The following TRPM2 variants were observed in gnomAD, a reference collection of about 807,000 sequenced individuals.
The protein encoded by TRPM2 is transient receptor potential cation channel subfamily M member 2, also known as estrogen-responsive element-associated gene 1 protein.
TRPM2 carries 161 observed loss-of-function variants against 174.0 expected under a neutral mutation model. That is an observed-to-expected ratio of 0.93 (90% confidence interval 0.81 to 1.05). The LOEUF is 1.05. Ranked by LOEUF, TRPM2 falls within the 50% of genes least tolerant of loss-of-function variation. TRPM2 has a pLI of 0.00. For missense variants in TRPM2, 2,057 were observed against 2,038.0 expected, an observed-to-expected ratio of 1.01 and a Z score of -0.18; for synonymous variants, 954 against 861.3, an observed-to-expected ratio of 1.11 and a Z score of -1.88.
chr21:44,435,346 C>G, intron 28 of TRPM2, 129 bp downstream of exon 28: 1 of 944,000 alleles, frequency 1.1e-6, no homozygotes, highest in Non-Finnish European at 1.6e-6. Flanking sequence ...TTGGTGCCTA[C>G]TGGGGGGATG....
At chr21:44,429,281 T>C (rs2050944622) in intron 27 of TRPM2, among the ~76,000 whole-genome samples, 1 of 110,912 alleles carries the variant, frequency 9.0e-6, no homozygotes, top group Non-Finnish European at 1.7e-5. Context: ...TCTTTTTCTT[T>C]TTTTTTTTTT....
chr21:44,405,485 T>C (rs1486308077), intron 17 of TRPM2, among the ~76,000 whole-genome samples: 15 of 152,158 alleles, frequency 9.9e-5, no homozygotes, highest in Admixed American at 9.8e-4. Flanking sequence ...GAGCTGAGAT[T>C]GTCCATGTGC....
intron 9 of TRPM2, among the ~76,000 whole-genome samples, chr21:44,386,746 C>T (rs1238651729): frequency 6.6e-6 from 1 of 151,474 alleles, no homozygotes; most frequent in Non-Finnish European, 1.5e-5. Context: ...ATAGAAAAGC[C>T]CATCCTAAAA....
intron 7 of TRPM2, 106 bp downstream of exon 7, chr21:44,377,879 C>T (rs542122952): frequency 2.2e-5 from 28 of 1,275,950 alleles, no homozygotes; most frequent in Middle Eastern, 1.9e-4. Context: ...GGCAAGAGGG[C>T]GATGAGCTTT....
intron 9 of TRPM2, among the ~76,000 whole-genome samples, chr21:44,383,392 C>A (rs1456842529): frequency 6.6e-6 from 1 of 152,218 alleles, no homozygotes; most frequent in East Asian, 1.9e-4. Context: ...GTGCTCCTCC[C>A]GCCCGATGCT....
rs575689440 is a variant in TRPM2 at position 44,369,484 on chromosome 21, G to A, written c.771+141G>A. The A allele has an allele frequency of 2.3e-4, 219 of 935,426 alleles. 3 individuals are homozygous for A. In the South Asian group the frequency reaches 3.7e-3, roughly 16 times the overall value. 57.9% of individuals were successfully genotyped at this position (935,426 alleles called of 1,614,324 possible). A position where few individuals can be genotyped will look rare whatever the true frequency, so the allele number is the denominator to read the frequency against. On this transcript the variant is annotated intron_variant, in intron 5 of 31. Coordinates refer to ENST00000397928, the MANE Select transcript of TRPM2 (RefSeq NM_003307.4). ...CCGGGCGCTGTGGGGAGCAGGCGGAGTGTGCGGGGGCCGGGGTGTGGGTGA... is the reference window on the plus strand; with the variant it reads ...CCGGGCGCTGTGGGGAGCAGGCGGAATGTGCGGGGGCCGGGGTGTGGGTGA...
At chr21:44,352,542 C>T (rs2146102153), upstream of TRPM2, among the ~76,000 whole-genome samples, 1 of 152,312 alleles carries the variant, frequency 6.6e-6, no homozygotes, top group African/African-American at 2.4e-5. Flanking sequence ...GATCTGGTTT[C>T]AGGGCAGGGA....
intron 2 of TRPM2, among the ~76,000 whole-genome samples, chr21:44,363,804 C>T (rs2048281416): frequency 6.6e-6 from 1 of 152,152 alleles, no homozygotes; most frequent in Non-Finnish European, 1.5e-5. Flanking sequence ...AGCTGGTCCT[C>T]TTGACATGTC....
At position 44,354,603 on chromosome 21, in the gene TRPM2, T is replaced by C; in HGVS notation, c.166-45T>C. 1 of 1,561,832 alleles carries C rather than the reference T, an allele frequency of 6.4e-7. No homozygotes were observed. Among genetic ancestry groups the C allele is most frequent in the Non-Finnish European group, 8.8e-7 (1 of 1,132,398 alleles). Reference sequence around the variant, plus strand: ...TGTGTCTCCAGGGGGCTGGGTGTGCTCTTTCGAATGTTGGAAGATCTCAGT... The same window carrying C: ...TGTGTCTCCAGGGGGCTGGGTGTGCCCTTTCGAATGTTGGAAGATCTCAGT... On this transcript the variant is annotated intron_variant, in intron 1 of 31. Coordinates refer to ENST00000397928, the MANE Select transcript of TRPM2 (RefSeq NM_003307.4). This position sits in a 1 kb window ranked among gnomAD's most constrained non-coding sequence, Gnocchi z 4.3.
At chr21:44,355,324 G>A (rs45458991) in intron 2 of TRPM2, among the ~76,000 whole-genome samples, 2,182 of 152,260 alleles carry the variant, frequency 0.014, 52 homozygotes, top group African/African-American at 0.05. Context: ...GGTGCTCCCC[G>A]CAGTTGGCGC....
Position 44,399,166 on chromosome 21 carries a change from G to A in TRPM2, c.2063-130G>A. On this transcript the variant is annotated intron_variant, in intron 13 of 31. Transcript: ENST00000397928. The surrounding 1 kb of genome is among the most constrained non-coding windows in gnomAD (Gnocchi z 4.6). ...TGGGCCTGGGTGTTTTGAGACACCA[G>A]CCCCACATTTGCCCTGTGCCCTTCC... The A allele has an allele frequency of 8.0e-7, 1 of 1,248,028 alleles. No homozygotes were observed. Among genetic ancestry groups the A allele is most frequent in the East Asian group, 2.6e-5 (1 of 38,834 alleles). The allele number at this position is 1,248,028 out of a possible 1,614,324, so 77.3% of individuals were successfully genotyped here. A position where few individuals can be genotyped will look rare whatever the true frequency, so the allele number is the denominator to read the frequency against.
In TRPM2 at chr21:44,438,563, A is replaced by G. The variant is rs1255718645; in HGVS notation, c.4168-504A>G. Among the ~76,000 whole-genome samples, 1 of 151,790 alleles carries G rather than the reference A, an allele frequency of 6.6e-6. No homozygotes were observed. The highest frequency in any genetic ancestry group is 1.5e-5 in the Non-Finnish European group (1 of 67,932). On this transcript the variant is annotated intron_variant, in intron 29 of 31. Coordinates refer to ENST00000397928, the MANE Select transcript of TRPM2 (RefSeq NM_003307.4). The surrounding 1 kb of genome is among the most constrained non-coding windows in gnomAD (Gnocchi z 5.9). ...TAGGGTGGGAAAGATGGGTGTGGGG[A>G]GGAGGAGGTGCAGGCCGGAGCTGGG...
chr21:44,440,389 G>A (rs2051455810), intron 30 of TRPM2, among the ~76,000 whole-genome samples: 1 of 150,840 alleles, frequency 6.6e-6, no homozygotes, highest in East Asian at 1.9e-4. Flanking sequence ...CCTCTATCCG[G>A]TTCCAGAACG....
Position 44,425,677 on chromosome 21 carries a change from G to A in TRPM2, c.3645G>A (p.Gln1215=). 2 of 1,522,228 alleles carry A rather than the reference G, an allele frequency of 1.3e-6. No individual in the cohort carries two copies. Among genetic ancestry groups the A allele is most frequent in the Non-Finnish European group, 8.9e-7 (1 of 1,126,748 alleles). The allele number at this position is 1,522,228 out of a possible 1,614,324, so 94.3% of individuals were successfully genotyped here. ...CTTCCTGACTGTCCCCAGCCTCCCA[G>A]AAGGCCGCGGAGGAGCCGGATGCTG... ...SEADVPTLAS[Q]KAAEEPDAEP... The change falls in exon 25 of 32, where the codon CAG becomes CAA. Residue 1215 remains glutamine (Q), a synonymous_variant. Coordinates refer to ENST00000397928, the MANE Select transcript of TRPM2 (RefSeq NM_003307.4).
rs201338081 is a variant in TRPM2, at chr21:44,397,895, G to C, written c.2062+19G>C. On this transcript the variant is annotated intron_variant, in intron 13 of 31. Transcript: ENST00000397928. Reference sequence around the variant, plus strand: ...GCCATCGGTGAGCTCTGCCGGGCACGGGCTGCAGGCCATGGCTCAGCCGTG... The same window carrying C: ...GCCATCGGTGAGCTCTGCCGGGCACCGGCTGCAGGCCATGGCTCAGCCGTG... 1.9e-6 allele frequency: 3 copies of C among 1,576,186 alleles called. No homozygotes were observed. The highest frequency in any genetic ancestry group is 2.6e-6 in the Non-Finnish European group (3 of 1,160,568).
rs1373961452 is a variant in TRPM2 at position 44,422,211 on chromosome 21, G to T, written c.3462-1434G>T. ...GCACCTGGGAGGCGCATGAGTGTGG[G>T]GTGCCATAACCTTGCAGCACTGAGG... On this transcript the variant is annotated intron_variant, in intron 22 of 31. Transcript: ENST00000397928. 4 of 1,512,340 alleles carry T rather than the reference G, an allele frequency of 2.6e-6. No individual in the cohort carries two copies. The African/African-American group carries it at 4.2e-5, about 16-fold the overall frequency. The allele number at this position is 1,512,340 out of a possible 1,614,324, so 93.7% of individuals were successfully genotyped here.
intron 8 of TRPM2, among the ~76,000 whole-genome samples, chr21:44,382,260 G>GAT (rs1483752994): frequency 6.6e-6 from 1 of 152,160 alleles, no homozygotes; most frequent in Non-Finnish European, 1.5e-5. Context: ...TAGATAGATG[G>GAT]ATAGATGCAT....
rs538244270 is a variant in TRPM2, at chr21:44,386,496, G to A, written c.1318+3676G>A. 3.5e-3 allele frequency among the ~76,000 whole-genome samples: 536 copies of A among 152,120 alleles called. 2 individuals are homozygous for A. Among genetic ancestry groups the A allele is most frequent in the Middle Eastern group, 0.01 (3 of 294 alleles). ...TGTGAAAACAATTCTATTTACAGTA[G>A]CATCAAAAAGAAAAAAAATACTGAG... On this transcript the variant is annotated intron_variant, in intron 9 of 31. Transcript: ENST00000397928.
In TRPM2 at chr21:44,390,971, G is replaced by A; in HGVS notation, c.1386G>A (p.Trp462Ter). ...WDHQLKLAVAWNRVDIARSEI... is the reference protein window; with the variant it reads ...WDHQLKLAVA Reference sequence around the variant, plus strand: ...ACCAGCTGAAACTGGCAGTGGCATGGAATCGCGTGGACATTGCCCGCAGTG... The same window carrying A: ...ACCAGCTGAAACTGGCAGTGGCATGAAATCGCGTGGACATTGCCCGCAGTG... Residue 462 changes from tryptophan (W) to a stop codon, truncating the protein, a stop_gained, in exon 10 of 32, where the codon TGG becomes TGA. Coordinates refer to ENST00000397928, the MANE Select transcript of TRPM2 (RefSeq NM_003307.4). LOFTEE classifies it high-confidence loss of function. 3.1e-6 allele frequency: 5 copies of A among 1,614,120 alleles called. No individual in the cohort carries two copies. The highest frequency in any genetic ancestry group is 4.2e-6 in the Non-Finnish European group (5 of 1,180,024).
Sources: allele counts gnomAD v4.1 joint callset (sites outside exome capture counted in the v4.1 genomes callset), GRCh38; gene constraint gnomAD v4.1.1; non-coding constraint Gnocchi (gnomAD v3.1); transcripts MANE v1.5; gene names NCBI Gene and HGNC (gene_info 2026-07-23, HGNC 2026-07-21).